The following SYCP2 variants were observed in gnomAD, a reference collection of about 807,000 sequenced individuals.
The protein encoded by SYCP2 is synaptonemal complex protein 2.
SYCP2 carries 55 observed loss-of-function variants against 211.3 expected under a neutral mutation model. That is an observed-to-expected ratio of 0.26 (90% CI 0.21 to 0.33). The LOEUF (loss-of-function observed/expected upper bound fraction) is 0.33, where lower values mean the gene tolerates loss of function less well. Among genes scored for constraint, SYCP2 ranks in the 10% least tolerant of loss-of-function variants. The probability of loss-of-function intolerance (pLI) is 1.00; values close to 1 mark genes in which losing one functional copy is unlikely to be tolerated. For synonymous variants in SYCP2, 570 were observed against 555.2 expected (o/e 1.03, Z -0.37); for missense variants, 1,731 against 1,752.0 (o/e 0.99, Z 0.21).
chr20:59,890,347 A>G (rs2059881197), intron 24 of SYCP2, among the ~76,000 whole-genome samples: 1 of 152,150 alleles, frequency 6.6e-6, no homozygotes, highest in East Asian at 1.9e-4. Context: ...GAGTTGAATA[A>G]TAAGAACACA....
chr20:59,914,304 AAAAGAC>A, intron 10 of SYCP2, 53 bp from the exon 11 acceptor site: 3 of 1,084,548 alleles, frequency 2.8e-6, no homozygotes. Flanking sequence ...TTAAGTTTAT[AAAAGAC>A]CATATATTTT....
At chr20:59,880,505 A>G in intron 30 of SYCP2, 34 bp from the exon 31 acceptor site, 2 of 1,295,440 alleles carry the variant, frequency 1.5e-6, no homozygotes, top group East Asian at 5.1e-5. Context: ...ATGAAGAAAT[A>G]CTACATCTCA....
At chr20:59,872,340 GC>G (rs2145619232) in intron 35 of SYCP2, among the ~76,000 whole-genome samples, 1 of 152,066 alleles carries the variant, frequency 6.6e-6, no homozygotes, top group South Asian at 2.1e-4. Context: ...GCATATCCAT[GC>G]TGTATATGCT....
At chr20:59,873,264 T>C (rs2059488802) in intron 35 of SYCP2, among the ~76,000 whole-genome samples, 1 of 152,010 alleles carries the variant, frequency 6.6e-6, no homozygotes, top group Non-Finnish European at 1.5e-5. Context: ...CCTATCTGAA[T>C]TGTCAGCATC....
At chr20:59,882,588 T>A (rs2059706831) in intron 26 of SYCP2, among the ~76,000 whole-genome samples, 1 of 152,124 alleles carries the variant, frequency 6.6e-6, no homozygotes, top group Non-Finnish European at 1.5e-5. Context: ...CAACGAAATA[T>A]TATTCAGCAA....
In SYCP2 at chr20:59,873,954, T is replaced by C. The variant is rs775138123; in HGVS notation, c.3457A>G (p.Ser1153Gly). 10 of 1,613,426 alleles carry C rather than the reference T, an allele frequency of 6.2e-6. No individual in the cohort carries two copies. The East Asian group carries it at 1.8e-4, about 29-fold the overall frequency. ...GACTTTATTGTACCTCCAACTCCAC[T>C]GTTACTATTTAAGGATTCAAGTGAT... ...TSSLESLNSN[S>G]GVGGTIKSPK... Residue 1153 changes from serine (S) to glycine (G), a missense_variant, in exon 35 of 45, where the codon AGT becomes GGT. Around this residue, in one of 3 missense-constraint regions of SYCP2, gnomAD observed 1,387 missense variants for 1,351.3 expected, o/e 1.03. Transcript: ENST00000357552.
intron 32 of SYCP2, 39 bp from the exon 33 acceptor site, chr20:59,877,594 G>T (rs749463129): frequency 6.6e-7 from 1 of 1,515,072 alleles, no homozygotes; most frequent in African/African-American, 1.4e-5. Flanking sequence ...ATCAATATTT[G>T]AGGTACAAGA....
At chr20:59,867,875 T>G in intron 38 of SYCP2, 28 bp from the exon 39 acceptor site, 1 of 1,548,868 alleles carries the variant, frequency 6.5e-7, no homozygotes, top group East Asian at 2.3e-5. Context: ...TCTGCTGAAG[T>G]TAAAATATGC....
intron 9 of SYCP2, 66 bp downstream of exon 9, chr20:59,915,399 T>C (rs1183422790): frequency 1.7e-6 from 2 of 1,171,328 alleles, no homozygotes; most frequent in East Asian, 2.4e-5. Flanking sequence ...AAACTCATAG[T>C]TGTCTGTCTT....
chr20:59,930,087 C>T (rs140951055), intron 2 of SYCP2, among the ~76,000 whole-genome samples: 1 of 152,220 alleles, frequency 6.6e-6, no homozygotes, highest in East Asian at 1.9e-4. Flanking sequence ...TCTATTAGCT[C>T]AAAATCCAGG....
Position 59,922,478 on chromosome 20 carries a change from A to G in SYCP2, c.-46-19T>C. On this transcript the variant is annotated intron_variant, in intron 2 of 44. Transcript: ENST00000357552. ...TAAACACCTATAAAAGAAAACATAT[A>G]TTTTCTGTATCTCACAATCTGTTTC... 3.4e-6 allele frequency: 4 copies of G among 1,186,808 alleles called. No individual in the cohort carries two copies. Among genetic ancestry groups the G allele is most frequent in the Non-Finnish European group, 4.8e-6 (4 of 836,756 alleles). The allele number at this position is 1,186,808 out of a possible 1,614,324, so 73.5% of individuals were successfully genotyped here.
At chr20:59,907,827 C>T (rs564727434) in intron 14 of SYCP2, among the ~76,000 whole-genome samples, 3 of 152,314 alleles carry the variant, frequency 2.0e-5, no homozygotes, top group African/African-American at 7.2e-5. Flanking sequence ...TACTCATTAA[C>T]TGATTGTCCT....
At chr20:59,915,350 TAAA>T in intron 9 of SYCP2, 112 bp downstream of exon 9, 1 of 976,088 alleles carries the variant, frequency 1.0e-6, no homozygotes, top group South Asian at 1.5e-5. Context: ...TAAATTATAT[TAAA>T]AAGCTGCAAC....
intron 24 of SYCP2, among the ~76,000 whole-genome samples, chr20:59,891,122 C>A (rs2059897877): frequency 6.6e-6 from 1 of 151,850 alleles, no homozygotes; most frequent in African/African-American, 2.4e-5. Flanking sequence ...TGAGAGGTTA[C>A]ATTGTGTGAA....
In SYCP2 at chr20:59,874,017, A is replaced by T; in HGVS notation, c.3394T>A (p.Cys1132Ser). 1 of 1,612,110 alleles carries T rather than the reference A, an allele frequency of 6.2e-7. No homozygotes were observed. The highest frequency in any genetic ancestry group is 8.5e-7 in the Non-Finnish European group (1 of 1,178,740). The change falls in exon 35 of 45, where the codon TGC becomes AGC. Residue 1132 changes from cysteine to serine, a missense_variant. Transcript: ENST00000357552. ...TEKDFTQDYD[C>S]ITKSISPYPK... is the part of the protein sequence containing the mutation. ...TAAGGTGATATAGATTTTGTTATGC[A>T]GTCATAATCCTGAGTAAAATCCTTT...
At chr20:59,865,532 T>C in intron 43 of SYCP2, 41 bp downstream of exon 43, 2 of 1,574,772 alleles carry the variant, frequency 1.3e-6, no homozygotes, top group South Asian at 1.2e-5. Flanking sequence ...ATTCTTTTTG[T>C]AATCAAGAGA....
intron 2 of SYCP2, among the ~76,000 whole-genome samples, chr20:59,926,925 C>G (rs2060644598): frequency 1.3e-5 from 2 of 152,122 alleles, no homozygotes; most frequent in African/African-American, 4.8e-5. Flanking sequence ...AATATTTTCT[C>G]CATTTCAATT....
intron 2 of SYCP2, among the ~76,000 whole-genome samples, chr20:59,926,180 T>G (rs1450727452): frequency 1.3e-5 from 2 of 152,064 alleles, no homozygotes; most frequent in Non-Finnish European, 2.9e-5. Context: ...ACTGCCTCTG[T>G]AACAAGAAGA....
intron 2 of SYCP2, among the ~76,000 whole-genome samples, chr20:59,923,818 TAATC>T (rs1481609421): frequency 6.6e-6 from 1 of 151,326 alleles, no homozygotes; most frequent in African/African-American, 2.4e-5. Context: ...GTTTTCATTT[TAATC>T]AATCCAGAGA....
Sources: gnomAD v4.1 joint callset for allele counts (sites outside exome capture counted in the v4.1 genomes callset) on GRCh38, gnomAD v4.1.1 for gene constraint, gnomAD v4.1.1 regional missense constraint, MANE v1.5 for transcripts, NCBI Gene and HGNC (gene_info 2026-07-23, HGNC 2026-07-21) for gene names.